Variants in CCDC40 observed in about 807,000 individuals in gnomAD.
The protein encoded by CCDC40 is coiled-coil domain 40 molecular ruler complex subunit.
A neutral mutation model predicts 124.5 loss-of-function variants in CCDC40; 104 were observed. The ratio of observed to expected loss-of-function variants is 0.84; its 90% CI spans 0.71 to 0.98. CCDC40 has a LOEUF of 0.98. Ranked by LOEUF, CCDC40 falls within the 50% of genes least tolerant of loss-of-function variation. The pLI is 0.00. For missense variants in CCDC40, 1,463 were observed against 1,503.9 expected (o/e 0.97, Z 0.45); for synonymous variants, 580 against 602.9 (o/e 0.96, Z 0.56).
intron 7 of CCDC40, among the ~76,000 whole-genome samples, chr17:80,057,363 C>T (rs1293978831): frequency 1.3e-5 from 2 of 151,860 alleles, no homozygotes; most frequent in Non-Finnish European, 2.9e-5. Context: ...GCTGGGGTTA[C>T]AGGCGTGAGC....
At chr17:80,043,675 G>A (rs1568670737) in intron 3 of CCDC40, among the ~76,000 whole-genome samples, 2 of 135,476 alleles carry the variant, frequency 1.5e-5, no homozygotes, top group African/African-American at 2.8e-5. Context: ...TCACCATCAC[G>A]CCCGGCTAAT....
At position 80,050,347 on chromosome 17, in the gene CCDC40, T is replaced by C. The variant is rs2037553126; in HGVS notation, c.1159+64T>C. 5 of 1,314,982 alleles carry C rather than the reference T, an allele frequency of 3.8e-6. No homozygotes were observed. In the African/African-American group the frequency reaches 4.4e-5, roughly 12 times the overall value. The allele number at this position is 1,314,982 out of a possible 1,614,324, so 81.5% of individuals were successfully genotyped here. On this transcript the variant is annotated intron_variant, in intron 7 of 19. Transcript: ENST00000397545. Reference sequence around the variant, plus strand: ...GGAGGGTTTCCCAGGGGTGTCTCCATGTACCATGGCCAGGCATCTAGAAAA... The same window carrying C: ...GGAGGGTTTCCCAGGGGTGTCTCCACGTACCATGGCCAGGCATCTAGAAAA...
intron 3 of CCDC40, among the ~76,000 whole-genome samples, chr17:80,046,782 T>C (rs903940513): frequency 1.3e-5 from 2 of 152,108 alleles, no homozygotes; most frequent in Non-Finnish European, 2.9e-5. Flanking sequence ...CCAGCCCCCT[T>C]TAGGGAAATT....
chr17:80,081,188 G>A (rs1363458150), intron 10 of CCDC40, among the ~76,000 whole-genome samples: 1 of 152,044 alleles, frequency 6.6e-6, no homozygotes, highest in Non-Finnish European at 1.5e-5. Context: ...TTGGAGACCA[G>A]CCTGGGCAAC....
intron 7 of CCDC40, among the ~76,000 whole-genome samples, chr17:80,055,225 C>T (rs1241263610): frequency 6.6e-6 from 1 of 152,014 alleles, no homozygotes; most frequent in Non-Finnish European, 1.5e-5. Flanking sequence ...TTGGAGGCTC[C>T]AGCAACGCAA....
rs11312279 is a variant in CCDC40 at position 80,037,683 on chromosome 17, TAA to T, written c.30-435_30-434del. 5.2e-4 allele frequency among the ~76,000 whole-genome samples: 23 copies of T among 44,390 alleles called. No homozygotes were observed. The East Asian group carries it at 7.2e-3, about 14-fold the overall frequency. 29.1% of individuals were successfully genotyped at this position (44,390 alleles called of 152,430 possible). ...AAAATAGCTTGAATCTTTAATTTTT[TAA>T]AAAAGATATACATATATATATATAT... On this transcript the variant is annotated intron_variant, in intron 1 of 19. Transcript: ENST00000397545.
chr17:80,061,664 T>G (rs1424550667), intron 9 of CCDC40, among the ~76,000 whole-genome samples: 2 of 152,136 alleles, frequency 1.3e-5, no homozygotes, highest in Non-Finnish European at 1.5e-5. Context: ...CCCAGAACAG[T>G]GCGGGGGCAA....
chr17:80,050,915 C>G (rs947714175), intron 7 of CCDC40, among the ~76,000 whole-genome samples: 2 of 152,114 alleles, frequency 1.3e-5, no homozygotes, highest in South Asian at 4.1e-4. Flanking sequence ...TCAATAGATG[C>G]GAATGCGAGG....
Position 80,081,529 on chromosome 17 carries a change from C to T in CCDC40, c.1563-17C>T. ...ATGTCTCACACGTAACTGGCTCTCCCCGCTGCATTTCTACAGAGGATGCCA... is the reference window on the plus strand; with the variant it reads ...ATGTCTCACACGTAACTGGCTCTCCTCGCTGCATTTCTACAGAGGATGCCA... On this transcript the variant is annotated splice_polypyrimidine_tract_variant and intron_variant, in intron 10 of 19. Transcript: ENST00000397545. 6.2e-7 allele frequency: 1 copy of T among 1,613,232 alleles called. No individual in the cohort carries two copies. Among genetic ancestry groups the T allele is most frequent in the Non-Finnish European group, 8.5e-7 (1 of 1,180,040 alleles).
At chr17:80,067,894 A>G (rs1381039649) in intron 10 of CCDC40, 1 of 1,358,246 alleles carries the variant, frequency 7.4e-7, no homozygotes, top group South Asian at 1.8e-5. Context: ...TAAAACGTGC[A>G]TGCGCAGAAT....
chr17:80,090,542 G>A, intron 17 of CCDC40: 5 of 1,516,354 alleles, frequency 3.3e-6, no homozygotes, highest in Non-Finnish European at 4.4e-6. Flanking sequence ...ATCACAGCAC[G>A]CTGGTATTTT....
At chr17:80,090,242 C>T (rs1567813308) in intron 17 of CCDC40, 4 of 875,140 alleles carry the variant, frequency 4.6e-6, no homozygotes, top group African/African-American at 1.8e-5. Context: ...CAGGCACGTG[C>T]ACGAACAACA....
chr17:80,050,425 G>T (rs1598488832), intron 7 of CCDC40, 142 bp downstream of exon 7: 2 of 698,194 alleles, frequency 2.9e-6, no homozygotes, highest in African/African-American at 1.8e-5. Flanking sequence ...GGAGGGGAAG[G>T]CACATAAATC....
In CCDC40 at chr17:80,081,585, T is replaced by A. The variant is rs1215287683; in HGVS notation, c.1602T>A (p.Ile534=). Reference sequence around the variant, plus strand: ...AAGCCAAATCCACCGACGGCGAGATTGAGGCCTATAAGAAATCCATCATGA... The same window carrying A: ...AAGCCAAATCCACCGACGGCGAGATAGAGGCCTATAAGAAATCCATCATGA... ...QHQAKSTDGE[I]EAYKKSIMKE... Residue 534 remains isoleucine (I), a synonymous_variant, in exon 11 of 20, where the codon ATT becomes ATA. Coordinates refer to ENST00000397545, the MANE Select transcript of CCDC40 (RefSeq NM_017950.4). The A allele has an allele frequency of 2.7e-5, 44 of 1,613,778 alleles. No individual in the cohort carries two copies. Among genetic ancestry groups the A allele is most frequent in the Non-Finnish European group, 3.5e-5 (41 of 1,180,028 alleles).
intron 7 of CCDC40, among the ~76,000 whole-genome samples, chr17:80,051,655 G>GAAAAA (rs2037600045): frequency 4.6e-5 from 5 of 107,790 alleles, no homozygotes; most frequent in Admixed American, 1.9e-4. Context: ...AAAAAAAAAA[G>GAAAAA]AAAAAAGAAC....
At chr17:80,059,372 A>G (rs1174433997) in intron 9 of CCDC40, among the ~76,000 whole-genome samples, 1 of 151,994 alleles carries the variant, frequency 6.6e-6, no homozygotes. Context: ...TAGCTCCTAC[A>G]TCTCTGCACC....
chr17:80,086,948 G>A lies in CCDC40; in HGVS notation c.2450-659G>A, dbSNP rs150025724. ...ATGGAGCTGTCAGCTGAGTATCGGTGTCCCAAGGCAAGAGCTGCCGAAATA... is the reference window on the plus strand; with the variant it reads ...ATGGAGCTGTCAGCTGAGTATCGGTATCCCAAGGCAAGAGCTGCCGAAATA... On this transcript the variant is annotated intron_variant, in intron 14 of 19. Coordinates refer to ENST00000397545, the MANE Select transcript of CCDC40 (RefSeq NM_017950.4). This position sits in a 1 kb window ranked among gnomAD's most constrained non-coding sequence, Gnocchi z 5.5. 68 of 165,198 alleles carry A rather than the reference G, an allele frequency of 4.1e-4. 1 individual carries two copies. Among genetic ancestry groups the A allele is most frequent in the Middle Eastern group, 6.6e-3 (2 of 304 alleles). 10.2% of individuals were successfully genotyped at this position (165,198 alleles called of 1,614,324 possible). A position where few individuals can be genotyped will look rare whatever the true frequency, so the allele number is the denominator to read the frequency against.
intron 1 of CCDC40, chr17:80,037,838 T>G: frequency 2.8e-6 from 1 of 360,082 alleles, no homozygotes; most frequent in Non-Finnish European, 5.4e-6. Context: ...CAAGTTATAT[T>G]TGAGGTGACT....
chr17:80,081,222 A>G (rs2038438431), intron 10 of CCDC40, among the ~76,000 whole-genome samples: 1 of 151,928 alleles, frequency 6.6e-6, no homozygotes. Context: ...ATCTCTACAA[A>G]TAGAGTTTAA....
Sources: allele counts gnomAD v4.1 joint callset (sites outside exome capture counted in the v4.1 genomes callset), GRCh38; gene constraint gnomAD v4.1.1; non-coding constraint Gnocchi (gnomAD v3.1); transcripts MANE v1.5; gene names NCBI Gene and HGNC (gene_info 2026-07-23, HGNC 2026-07-21).